SAMD3: variants seen among roughly 807,000 people sequenced by gnomAD.
SAMD3 encodes the protein sterile alpha motif domain containing 3.
Under a neutral mutation model 58.5 loss-of-function variants are expected in SAMD3, and 63 were observed. The ratio of observed to expected loss-of-function variants is 1.08; its 90% confidence interval spans 0.88 to 1.33. The LOEUF (loss-of-function observed/expected upper bound fraction) is 1.33, where lower values mean the gene tolerates loss of function less well. Among genes scored for constraint, SAMD3 ranks in the 40% most tolerant of loss-of-function variants. The pLI is 0.00. For synonymous variants in SAMD3, 220 were observed against 210.3 expected, an observed-to-expected ratio of 1.05 and a Z score of -0.40; for missense variants, 604 against 608.4, an observed-to-expected ratio of 0.99 and a Z score of 0.08.
At chr6:130,178,445 G>C (rs190287386) in intron 7 of SAMD3, among the ~76,000 whole-genome samples, 240 of 151,888 alleles carry the variant, frequency 1.6e-3, no homozygotes, top group Middle Eastern at 0.01. Flanking sequence ...GGCCAAGAGA[G>C]AAAGTGGTAA....
At chr6:130,223,387 G>A (rs1026728226), upstream of SAMD3, among the ~76,000 whole-genome samples, 2 of 152,170 alleles carry the variant, frequency 1.3e-5, no homozygotes, top group East Asian at 1.9e-4. Flanking sequence ...CAGTGTGTAC[G>A]TGATAGTGCA....
At chr6:130,143,310 A>G (rs1045101956), downstream of SAMD3, 13 of 152,298 alleles carry the variant, frequency 8.5e-5, no homozygotes, top group African/African-American at 3.1e-4. Context: ...CAATTGCATG[A>G]TCTTGGCTCA....
chr6:130,333,725 G>C (rs1435334722), intron 1 of SAMD3, among the ~76,000 whole-genome samples: 2 of 152,154 alleles, frequency 1.3e-5, no homozygotes, highest in East Asian at 1.9e-4. Flanking sequence ...AGTCATTAAG[G>C]CTGCATAAAA....
chr6:130,356,689 G>C (rs1777839414), intron 1 of SAMD3, among the ~76,000 whole-genome samples: 2 of 152,236 alleles, frequency 1.3e-5, no homozygotes, highest in African/African-American at 4.8e-5. Context: ...CGGTACCAGA[G>C]TGCCCAACAG....
At chr6:130,243,061 C>T (rs1773418184) in intron 2 of SAMD3, among the ~76,000 whole-genome samples, 1 of 152,168 alleles carries the variant, frequency 6.6e-6, no homozygotes. Flanking sequence ...CAACAGCCTC[C>T]TCCCAAAGTT....
At chr6:130,193,507 T>G (rs906972199) in intron 5 of SAMD3, among the ~76,000 whole-genome samples, 3 of 151,962 alleles carry the variant, frequency 2.0e-5, no homozygotes, top group Non-Finnish European at 2.9e-5. Flanking sequence ...CCTTTCCCGC[T>G]TTTCTGGAGG....
At chr6:130,316,183 C>T (rs1227685201) in intron 1 of SAMD3, among the ~76,000 whole-genome samples, 3 of 150,956 alleles carry the variant, frequency 2.0e-5, no homozygotes, top group African/African-American at 7.3e-5. Context: ...CCCAGCTACT[C>T]GCGAGGCTGA....
intron 4 of SAMD3, among the ~76,000 whole-genome samples, chr6:130,213,612 C>T (rs964286901): frequency 6.6e-5 from 10 of 152,018 alleles, no homozygotes; most frequent in African/African-American, 2.4e-4. Flanking sequence ...AAAATCAAAT[C>T]AGAATGGCTG....
At chr6:130,303,245 T>C (rs1659098533) in intron 2 of SAMD3, among the ~76,000 whole-genome samples, 9 of 152,092 alleles carry the variant, frequency 5.9e-5, no homozygotes, top group Admixed American at 5.9e-4. Context: ...GAATCACAAA[T>C]CACAATCTTT....
At chr6:130,268,584 T>C (rs79853669) in intron 2 of SAMD3, among the ~76,000 whole-genome samples, 4,720 of 152,260 alleles carry the variant, frequency 0.031, 239 homozygotes, top group African/African-American at 0.11. Context: ...TGCACCACTT[T>C]TTGATGTTTA....
chr6:130,241,715 A>T (rs1773364968), intron 2 of SAMD3, among the ~76,000 whole-genome samples: 2 of 152,146 alleles, frequency 1.3e-5, no homozygotes. Flanking sequence ...TATATTTGGA[A>T]TAAAGACCCA....
intron 2 of SAMD3, among the ~76,000 whole-genome samples, chr6:130,251,460 C>T (rs1009620896): frequency 5.9e-5 from 9 of 151,880 alleles, no homozygotes; most frequent in African/African-American, 2.2e-4. Flanking sequence ...TTGAATAATG[C>T]AAGGACACAA....
intron 8 of SAMD3, chr6:130,162,104 T>C: frequency 1.8e-6 from 1 of 545,172 alleles, no homozygotes; most frequent in Non-Finnish European, 3.2e-6. Context: ...TTAACTTGAG[T>C]TAAAGCCAAA....
intron 1 of SAMD3, among the ~76,000 whole-genome samples, chr6:130,361,641 T>C (rs1395195720): frequency 6.6e-6 from 1 of 152,260 alleles, no homozygotes; most frequent in Non-Finnish European, 1.5e-5. Context: ...ATCATGATTA[T>C]GGATGGATAA....
chr6:130,147,267 G>A (rs1350326568), intron 9 of SAMD3, among the ~76,000 whole-genome samples: 2 of 152,186 alleles, frequency 1.3e-5, no homozygotes, highest in Admixed American at 6.5e-5. Context: ...GAATGTTTTG[G>A]TAGATCATAA....
intron 2 of SAMD3, among the ~76,000 whole-genome samples, chr6:130,264,615 T>C (rs1774271149): frequency 6.6e-6 from 1 of 152,176 alleles, no homozygotes; most frequent in Non-Finnish European, 1.5e-5. Context: ...CTCTCACATC[T>C]ATTTAGATGC....
intron 2 of SAMD3, among the ~76,000 whole-genome samples, chr6:130,298,546 C>A (rs1240880821): frequency 6.6e-6 from 1 of 151,992 alleles, no homozygotes; most frequent in East Asian, 1.9e-4. Flanking sequence ...TGGGACATAA[C>A]GAAAGCAGTA....
rs367889429 is a variant in SAMD3, at chr6:130,172,650, G to A, written c.822+3191C>T. Among the ~76,000 whole-genome samples, 5 of 151,934 alleles carry A rather than the reference G, an allele frequency of 3.3e-5. No individual in the cohort carries two copies. In the South Asian group the frequency reaches 6.3e-4, roughly 19 times the overall value. The stretch of plus-strand genomic sequence containing the variant: ...GGCTGCCCTTAACATTTTTTCCTTC[G>A]TTTCAACCCTGGTGAGTCTGACAAT... On this transcript the variant is annotated intron_variant, in intron 8 of 11. Coordinates refer to ENST00000439090, the MANE Select transcript of SAMD3 (RefSeq NM_001017373.4).
At chr6:130,224,765 C>T (rs1005650561), upstream of SAMD3, among the ~76,000 whole-genome samples, 1 of 151,860 alleles carries the variant, frequency 6.6e-6, no homozygotes, top group South Asian at 2.1e-4. Context: ...ACTACAGGCA[C>T]GTGCCACCAC....
Sources: allele counts gnomAD v4.1 joint callset (sites outside exome capture counted in the v4.1 genomes callset), GRCh38; gene constraint gnomAD v4.1.1; transcripts MANE v1.5; gene names NCBI Gene and HGNC (gene_info 2026-07-23, HGNC 2026-07-21).